Variants in COMMD10 observed in about 807,000 individuals in gnomAD.
COMMD10 encodes the protein COMM domain containing 10.
Under a neutral mutation model 28.9 loss-of-function variants are expected in COMMD10, and 33 were observed. The ratio of observed to expected loss-of-function variants is 1.14; its 90% CI spans 0.87 to 1.53. The LOEUF (loss-of-function observed/expected upper bound fraction) is 1.53. Among genes scored for constraint, COMMD10 ranks in the 40% most tolerant of loss-of-function variants. COMMD10 has a pLI of 0.00. For missense variants in COMMD10, 310 were observed against 233.4 expected (o/e 1.33, Z -2.14); for synonymous variants, 110 against 81.7 (o/e 1.35, Z -1.87).
intron 2 of COMMD10, among the ~76,000 whole-genome samples, chr5:116,088,593 A>G (rs921238987): frequency 3.3e-5 from 5 of 152,162 alleles, no homozygotes; most frequent in African/African-American, 1.2e-4. Flanking sequence ...CATTCTCCTC[A>G]TTTTGTAAGT....
intron 5 of COMMD10, among the ~76,000 whole-genome samples, chr5:116,165,589 A>C (rs1371923046): frequency 6.6e-6 from 1 of 151,516 alleles, no homozygotes; most frequent in East Asian, 1.9e-4. Flanking sequence ...ATCTTTCCTA[A>C]GGGTGTGTGT....
intron 4 of COMMD10, among the ~76,000 whole-genome samples, chr5:116,108,527 G>A (rs1037929895): frequency 2.0e-5 from 3 of 152,324 alleles, no homozygotes; most frequent in East Asian, 1.9e-4. Context: ...CAGCAATGGC[G>A]GACGCCTGTC....
intron 4 of COMMD10, among the ~76,000 whole-genome samples, chr5:116,122,881 A>C (rs1751490271): frequency 6.6e-6 from 1 of 152,206 alleles, no homozygotes. Flanking sequence ...TTTTGGGCTG[A>C]GACGATGGGG....
At chr5:116,130,844 T>C (rs1751840580) in intron 4 of COMMD10, among the ~76,000 whole-genome samples, 1 of 152,052 alleles carries the variant, frequency 6.6e-6, no homozygotes, top group South Asian at 2.1e-4. Flanking sequence ...GGCTTTCTAA[T>C]AATTTTCTAA....
At position 116,091,105 on chromosome 5, in the gene COMMD10, G is replaced by C. The variant is rs916044760; in HGVS notation, c.159G>C (p.Glu53Asp). 7 of 1,610,470 alleles carry C rather than the reference G, an allele frequency of 4.3e-6. No homozygotes were observed. The East Asian group carries it at 1.6e-4, about 36-fold the overall frequency. ...LKAESSFSEE[E>D]EEKLQAAFSL... is the part of the protein sequence containing the mutation. ...CTGAGAGCAGTTTCAGTGAAGAAGAGGAAGAAAAACTTCAAGCGGCATTTT... is the reference window on the plus strand; with the variant it reads ...CTGAGAGCAGTTTCAGTGAAGAAGACGAAGAAAAACTTCAAGCGGCATTTT... Residue 53 changes from glutamate to aspartate, a missense_variant, in exon 3 of 7, where the codon GAG (glutamate) becomes GAC (aspartate). Transcript: ENST00000274458.
chr5:116,205,518 C>T (rs909091265), intron 5 of COMMD10, among the ~76,000 whole-genome samples: 3 of 152,074 alleles, frequency 2.0e-5, no homozygotes, highest in Admixed American at 6.5e-5. Flanking sequence ...TTGAAAACTA[C>T]CTCATATACA....
chr5:116,225,353 G>GTTTTTTTT lies in COMMD10; in HGVS notation c.511-66164_511-66163insTTTTTTTT, dbSNP rs143964154. On this transcript the variant is annotated intron_variant, in intron 5 of 6. Transcript: ENST00000274458. ...AGACTTTCCTGTTTGTTTTTTTGGG[G>GTTTTTTTT]ATTTTTTTTTTTTTTTTTGCATATG... Among the ~76,000 whole-genome samples the GTTTTTTTT allele has an allele frequency of 1.0e-4, 12 of 116,496 alleles. 3 individuals are homozygous for GTTTTTTTT. Among genetic ancestry groups the GTTTTTTTT allele is most frequent in the Admixed American group, 1.8e-4 (2 of 10,916 alleles). 76.4% of individuals were successfully genotyped at this position (116,496 alleles called of 152,430 possible).
At chr5:116,272,525 A>C (rs1465381106) in intron 5 of COMMD10, among the ~76,000 whole-genome samples, 36 of 151,802 alleles carry the variant, frequency 2.4e-4, no homozygotes, top group Admixed American at 2.1e-3. Flanking sequence ...AATGACTTGA[A>C]CATCCCAGAA....
At chr5:116,139,239 T>C (rs1237097325) in intron 5 of COMMD10, among the ~76,000 whole-genome samples, 1 of 151,774 alleles carries the variant, frequency 6.6e-6, no homozygotes, top group Non-Finnish European at 1.5e-5. Flanking sequence ...TTGACTAAGT[T>C]GAAACAATTT....
intron 5 of COMMD10, among the ~76,000 whole-genome samples, chr5:116,288,138 G>A (rs173834): frequency 0.35 from 53,711 of 151,492 alleles, 10,856 homozygotes; most frequent in East Asian, 0.56. Flanking sequence ...AACTCCCATG[G>A]CTTTTCTTTA....
chr5:116,098,574 C>G (rs964246258), intron 4 of COMMD10, among the ~76,000 whole-genome samples: 2 of 152,132 alleles, frequency 1.3e-5, no homozygotes, highest in African/African-American at 4.8e-5. Context: ...TATAAATAAT[C>G]TAGAGATGAT....
At chr5:116,167,038 A>G (rs1222026804) in intron 5 of COMMD10, among the ~76,000 whole-genome samples, 4 of 152,098 alleles carry the variant, frequency 2.6e-5, no homozygotes, top group East Asian at 1.9e-4. Context: ...AAAATGGGTT[A>G]TAACAAACTT....
intron 5 of COMMD10, among the ~76,000 whole-genome samples, chr5:116,159,085 T>C (rs1752833481): frequency 6.6e-6 from 1 of 152,200 alleles, no homozygotes; most frequent in South Asian, 2.1e-4. Context: ...TTGTCTTCTA[T>C]AGTGTGTTGT....
At chr5:116,130,059 A>G (rs1751815331) in intron 4 of COMMD10, among the ~76,000 whole-genome samples, 1 of 151,592 alleles carries the variant, frequency 6.6e-6, no homozygotes, top group African/African-American at 2.4e-5. Flanking sequence ...TTTTTCAATG[A>G]CAAAGTTTAA....
chr5:116,281,811 C>G (rs1047591146), intron 5 of COMMD10, among the ~76,000 whole-genome samples: 1 of 151,842 alleles, frequency 6.6e-6, no homozygotes, highest in South Asian at 2.1e-4. Context: ...GTTAATGAAG[C>G]TGGTGATATT....
At chr5:116,255,618 A>G (rs1441004760) in intron 5 of COMMD10, 1 of 151,728 alleles carries the variant, frequency 6.6e-6, no homozygotes, top group African/African-American at 2.4e-5. Flanking sequence ...TTGATGGGAT[A>G]TAATTTAGGA....
At chr5:116,089,975 C>A (rs116558604) in intron 2 of COMMD10, among the ~76,000 whole-genome samples, 1 of 152,150 alleles carries the variant, frequency 6.6e-6, no homozygotes, top group African/African-American at 2.4e-5. Flanking sequence ...TACCTTGAGA[C>A]AGAATTCTTA....
intron 5 of COMMD10, among the ~76,000 whole-genome samples, chr5:116,161,521 A>G (rs1051700986): frequency 6.6e-6 from 1 of 152,162 alleles, no homozygotes; most frequent in Non-Finnish European, 1.5e-5. Flanking sequence ...GACCTTTATT[A>G]CTAGTTGCCT....
chr5:116,091,517 G>T (rs943856900), intron 3 of COMMD10, among the ~76,000 whole-genome samples: 1 of 152,104 alleles, frequency 6.6e-6, no homozygotes, highest in Admixed American at 6.6e-5. Context: ...ATTTAGAAAA[G>T]AAGTATTGTC....
Sources: gnomAD v4.1 joint callset for allele counts (sites outside exome capture counted in the v4.1 genomes callset) on GRCh38, gnomAD v4.1.1 for gene constraint, MANE v1.5 for transcripts, NCBI Gene and HGNC (gene_info 2026-07-23, HGNC 2026-07-21) for gene names.